GSE1: variants seen among roughly 807,000 people sequenced by gnomAD.
GSE1 encodes the protein genetic suppressor element 1.
GSE1 carries 32 observed loss-of-function variants against 112.6 expected under a neutral mutation model. That is an observed-to-expected ratio of 0.28 (90% CI 0.21 to 0.38). GSE1 has a LOEUF of 0.38. Ranked by LOEUF, GSE1 falls within the 10% of genes least tolerant of loss-of-function variation. The pLI is 1.00. For missense variants in GSE1, 2,348 were observed against 1,699.2 expected (o/e 1.38, Z -6.71); for synonymous variants, 1,115 against 735.6 (o/e 1.52, Z -8.35).
intron 2 of GSE1, among the ~76,000 whole-genome samples, chr16:85,460,738 TC>T (rs2049946679): frequency 6.6e-6 from 1 of 151,644 alleles, no homozygotes; most frequent in Non-Finnish European, 1.5e-5. Flanking sequence ...GGTCCTGTGG[TC>T]TTGCACTTTA....
chr16:85,457,099 A>G (rs1053433106), intron 2 of GSE1, among the ~76,000 whole-genome samples: 1 of 152,206 alleles, frequency 6.6e-6, no homozygotes, highest in Non-Finnish European at 1.5e-5. Flanking sequence ...GGGGTAAGCC[A>G]GGCAGTTCCT....
At chr16:85,401,483 C>T (rs534965675) in intron 2 of GSE1, among the ~76,000 whole-genome samples, 1 of 152,126 alleles carries the variant, frequency 6.6e-6, no homozygotes, top group African/African-American at 2.4e-5. Flanking sequence ...AGTTGCTTCC[C>T]TTGGGGCACC....
At chr16:85,396,489 C>T (rs1022993149) in intron 2 of GSE1, among the ~76,000 whole-genome samples, 17 of 152,242 alleles carry the variant, frequency 1.1e-4, no homozygotes, top group African/African-American at 1.7e-4. Context: ...GTGGAGGAGC[C>T]GCTGTCCCGG....
At chr16:85,626,930 G>A (rs1487324852) in intron 1 of GSE1, among the ~76,000 whole-genome samples, 1 of 151,676 alleles carries the variant, frequency 6.6e-6, no homozygotes, top group African/African-American at 2.4e-5. Context: ...AGGCAGACCG[G>A]TTTGGGGTCT....
At chr16:85,662,657 C>G (rs1171632878) in intron 9 of GSE1, 9 of 312,648 alleles carry the variant, frequency 2.9e-5, no homozygotes, top group South Asian at 5.3e-5. Context: ...CACAAGCAGC[C>G]CTGTGTTGCC....
intron 1 of GSE1, among the ~76,000 whole-genome samples, chr16:85,578,216 C>T (rs1051557016): frequency 6.6e-6 from 1 of 152,228 alleles, no homozygotes; most frequent in African/African-American, 2.4e-5. Context: ...AGGGCGGCAC[C>T]GGGACAGCTG....
chr16:85,634,527 T>C (rs2049823745), intron 2 of GSE1, among the ~76,000 whole-genome samples: 1 of 152,184 alleles, frequency 6.6e-6, no homozygotes, highest in South Asian at 2.1e-4. Flanking sequence ...GCCCAGGTTT[T>C]GACACTCCCT....
chr16:85,487,785 A>T (rs2050889031), intron 2 of GSE1, among the ~76,000 whole-genome samples: 1 of 152,122 alleles, frequency 6.6e-6, no homozygotes. Context: ...CTCATTCTGG[A>T]ATGGTGGAGC....
At chr16:85,445,202 C>T (rs2049479017) in intron 2 of GSE1, among the ~76,000 whole-genome samples, 1 of 152,218 alleles carries the variant, frequency 6.6e-6, no homozygotes, top group African/African-American at 2.4e-5. Context: ...CCATGGGGCC[C>T]CTTGCTGCTT....
upstream of GSE1, among the ~76,000 whole-genome samples, chr16:85,610,196 G>A (rs1016100623): frequency 1.3e-4 from 20 of 152,338 alleles, 1 homozygote; most frequent in African/African-American, 4.3e-4. Flanking sequence ...AGCACAGTCC[G>A]TGGTAAGGAG....
intron 1 of GSE1, among the ~76,000 whole-genome samples, chr16:85,314,645 C>T (rs985943425): frequency 1.3e-5 from 2 of 152,234 alleles, no homozygotes; most frequent in South Asian, 4.1e-4. Context: ...AACACCTGCT[C>T]CCCTGGCAGG....
intron 1 of GSE1, among the ~76,000 whole-genome samples, chr16:85,181,250 A>C (rs1198391462): frequency 6.6e-6 from 1 of 152,178 alleles, no homozygotes; most frequent in African/African-American, 2.4e-5. Context: ...TTCTCCTTGG[A>C]CCACAGAGGG....
chr16:85,256,658 A>C (rs1907114798), intron 1 of GSE1, among the ~76,000 whole-genome samples: 1 of 152,082 alleles, frequency 6.6e-6, no homozygotes, highest in Admixed American at 6.5e-5. Context: ...GCCTGAACAC[A>C]CCCACCAGCT....
chr16:85,643,572 T>C (rs1421190355), intron 2 of GSE1, among the ~76,000 whole-genome samples: 1 of 152,026 alleles, frequency 6.6e-6, no homozygotes. Flanking sequence ...GCTGCCTTGG[T>C]CATGGCAAGG....
At chr16:85,505,235 A>G (rs1051563055) in intron 2 of GSE1, among the ~76,000 whole-genome samples, 10 of 152,024 alleles carry the variant, frequency 6.6e-5, no homozygotes, top group African/African-American at 2.4e-4. Flanking sequence ...GCATCTGCTG[A>G]TGTTCATGTC....
intron 2 of GSE1, among the ~76,000 whole-genome samples, chr16:85,461,314 AT>A (rs1217611404): frequency 1.3e-5 from 2 of 152,184 alleles, no homozygotes; most frequent in African/African-American, 2.4e-5. Context: ...TCAATCAAAA[AT>A]GTCTGCAGAC....
At chr16:85,642,640 C>A (rs1326428255) in intron 2 of GSE1, among the ~76,000 whole-genome samples, 2 of 152,236 alleles carry the variant, frequency 1.3e-5, no homozygotes, top group Non-Finnish European at 2.9e-5. Context: ...AGCCCCCGGC[C>A]ATGGCATCTC....
intron 1 of GSE1, among the ~76,000 whole-genome samples, chr16:85,230,940 G>T (rs1267148475): frequency 6.6e-6 from 1 of 151,744 alleles, no homozygotes; most frequent in Non-Finnish European, 1.5e-5. Context: ...TGAATGGATG[G>T]ACAGACGGAT....
At chr16:85,242,890 C>T (rs921519629) in intron 1 of GSE1, among the ~76,000 whole-genome samples, 1 of 152,174 alleles carries the variant, frequency 6.6e-6, no homozygotes, top group East Asian at 1.9e-4. Flanking sequence ...TGGCTCACTG[C>T]AGCCTTGACT....
Sources: allele counts gnomAD v4.1 joint callset (sites outside exome capture counted in the v4.1 genomes callset), GRCh38; gene constraint gnomAD v4.1.1; transcripts MANE v1.5; gene names NCBI Gene and HGNC (gene_info 2026-07-23, HGNC 2026-07-21).